CFAP53: variants seen among roughly 807,000 people sequenced by gnomAD.
CFAP53 encodes the protein cilia and flagella associated protein 53.
A neutral mutation model predicts 59.7 loss-of-function variants in CFAP53; 62 were observed. The ratio of observed to expected loss-of-function variants is 1.04; its 90% confidence interval spans 0.85 to 1.28. CFAP53 has a LOEUF of 1.28. Ranked by LOEUF, CFAP53 falls within the 50% of genes most tolerant of loss-of-function variation. CFAP53 has a pLI of 0.00. For missense variants in CFAP53, 629 were observed against 615.6 expected (o/e 1.02, Z -0.23); for synonymous variants, 218 against 205.7 (o/e 1.06, Z -0.51).
At chr18:50,257,860 T>C (rs1049182365) in intron 3 of CFAP53, among the ~76,000 whole-genome samples, 2 of 152,128 alleles carry the variant, frequency 1.3e-5, no homozygotes, top group Admixed American at 1.3e-4. Flanking sequence ...GGAAACCCCG[T>C]CTCTATTAAA....
At chr18:50,259,729 G>A (rs763871419) in intron 3 of CFAP53, among the ~76,000 whole-genome samples, 10 of 151,972 alleles carry the variant, frequency 6.6e-5, no homozygotes, top group South Asian at 2.1e-4. Context: ...CACTGCGCCC[G>A]GCCAATTTTT....
At chr18:50,241,100 G>A (rs1418817957) in intron 6 of CFAP53, among the ~76,000 whole-genome samples, 1 of 152,220 alleles carries the variant, frequency 6.6e-6, no homozygotes, top group African/African-American at 2.4e-5. Flanking sequence ...TTAGCAGTAT[G>A]ATGCAGCCTA....
chr18:50,227,700 T>C, intron 7 of CFAP53, 91 bp from the exon 8 acceptor site: 1 of 1,001,942 alleles, frequency 1.0e-6, no homozygotes, highest in Admixed American at 2.2e-5. Context: ...ATTTGTAAAG[T>C]CAAATTAAAT....
Position 50,227,479 on chromosome 18 carries a change from A to G in CFAP53, c.1447T>C (p.Cys483Arg), listed in dbSNP as rs761393548. 5.0e-6 allele frequency: 8 copies of G among 1,614,180 alleles called. No homozygotes were observed. The South Asian group carries it at 8.8e-5, about 18-fold the overall frequency. ...AGGACCTCCTGGACCTTGTCCAAAC[A>G]CATCTTGTTTGCTGCTACACCTGCT... ...FEAGVAANKMCLDKVQEVLST... is the reference protein window; with the variant it reads ...FEAGVAANKMRLDKVQEVLST... Residue 483 changes from cysteine to arginine, a missense_variant, in exon 8 of 8, where the codon TGT (cysteine) becomes CGT (arginine). Transcript: ENST00000398545.
At chr18:50,237,718 G>GGGA (rs1274521611) in intron 7 of CFAP53, among the ~76,000 whole-genome samples, 1 of 152,052 alleles carries the variant, frequency 6.6e-6, no homozygotes, top group African/African-American at 2.4e-5. Flanking sequence ...AAAAACTGCA[G>GGGA]GGAGGTAGCT....
rs2144457630 is a variant in CFAP53 at position 50,266,483 on chromosome 18, G to A, written c.-79C>T. On this transcript the variant is annotated 5_prime_UTR_variant, in exon 1 of 8. Transcript: ENST00000398545. The stretch of plus-strand genomic sequence containing the variant: ...GGCGACCTGCGGGACCCGCTTCCGC[G>A]ACGCAGAAGTCTGGTTGCCATGGTG... The A allele has an allele frequency of 7.1e-7, 1 of 1,413,362 alleles. No homozygotes were observed. 87.6% of individuals were successfully genotyped at this position (1,413,362 alleles called of 1,614,324 possible).
intron 7 of CFAP53, among the ~76,000 whole-genome samples, chr18:50,230,047 C>T (rs1299216358): frequency 6.6e-6 from 1 of 152,144 alleles, no homozygotes; most frequent in Non-Finnish European, 1.5e-5. Flanking sequence ...CATGACCCAC[C>T]ATGCCTGGCC....
rs200652781 is a variant in CFAP53 at position 50,238,648 on chromosome 18, T to C, written c.1271A>G (p.Glu424Gly). 58 of 1,612,428 alleles carry C rather than the reference T, an allele frequency of 3.6e-5. No individual in the cohort carries two copies. Among genetic ancestry groups the C allele is most frequent in the Non-Finnish European group, 4.8e-5 (57 of 1,179,364 alleles). Residue 424 changes from glutamate to glycine, a missense_variant, in exon 7 of 8, where the codon GAA becomes GGA. Coordinates refer to ENST00000398545, the MANE Select transcript of CFAP53 (RefSeq NM_145020.5). ...TTCACAGTTAAGTTCTTTAAGACTTTCATTTATGTGTTTCTGTTCCATAGC... is the reference window on the plus strand; with the variant it reads ...TTCACAGTTAAGTTCTTTAAGACTTCCATTTATGTGTTTCTGTTCCATAGC... ...ERAMEQKHIN[E>G]SLKELNCEEK...
intron 6 of CFAP53, among the ~76,000 whole-genome samples, chr18:50,239,942 T>G (rs1038162823): frequency 6.6e-6 from 1 of 152,270 alleles, no homozygotes; most frequent in Non-Finnish European, 1.5e-5. Context: ...CTATAACATT[T>G]ATCACTTGTT....
chr18:50,262,212 T>C lies in CFAP53; in HGVS notation c.77A>G (p.Lys26Arg), dbSNP rs766219433. Reference protein sequence around the residue: ...PTPKVVIVRSKPPKGQGAEHH... With the variant: ...PTPKVVIVRSRPPKGQGAEHH... ...CTCAGCTCCTTGGCCTTTAGGAGGC[T>C]TGGATCTCTGAAAACAAAAACCAAC... Residue 26 changes from lysine (K) to arginine (R), a missense_variant, in exon 2 of 8, where the codon AAG becomes AGG. Lys to Arg is a conservative substitution (Grantham distance 26). Coordinates refer to ENST00000398545, the MANE Select transcript of CFAP53 (RefSeq NM_145020.5). 1.2e-6 allele frequency: 2 copies of C among 1,612,254 alleles called. No homozygotes were observed. The highest frequency in any genetic ancestry group is 1.7e-6 in the Non-Finnish European group (2 of 1,178,410).
chr18:50,261,952 A>C lies in CFAP53; in HGVS notation c.299+38T>G, dbSNP rs185313882. ...TCAATCTCAAATTGTGGTTTTAGGA[A>C]TATTTCATGGTTTATGTCCCAGGTT... On this transcript the variant is annotated intron_variant, in intron 2 of 7. Transcript: ENST00000398545. 4,354 of 1,522,856 alleles carry C rather than the reference A, an allele frequency of 2.9e-3. 11 individuals are homozygous for C. The highest frequency in any genetic ancestry group is 3.8e-3 in the Non-Finnish European group (4,154 of 1,099,430). The allele number at this position is 1,522,856 out of a possible 1,614,324, so 94.3% of individuals were successfully genotyped here.
intron 5 of CFAP53, 125 bp downstream of exon 5, chr18:50,250,633 T>C (rs763214230): frequency 9.8e-6 from 7 of 714,636 alleles, no homozygotes; most frequent in Non-Finnish European, 1.7e-5. Context: ...ATGGTGCTGA[T>C]GCTGTTGGCT....
chr18:50,254,233 TAA>T (rs761732766), intron 3 of CFAP53, among the ~76,000 whole-genome samples: 7 of 118,412 alleles, frequency 5.9e-5, no homozygotes, highest in Non-Finnish European at 7.3e-5. Flanking sequence ...ACTTAACAGC[TAA>T]AAAAAAAAAA....
Position 50,261,251 on chromosome 18 carries a change from CCAAAAA to C in CFAP53, c.300-20_300-15del. 9.0e-7 allele frequency: 1 copy of C among 1,110,784 alleles called. No individual in the cohort carries two copies. The highest frequency in any genetic ancestry group is 7.9e-5 in the Admixed American group (1 of 12,590). 68.8% of individuals were successfully genotyped at this position (1,110,784 alleles called of 1,614,324 possible). A position where few individuals can be genotyped will look rare whatever the true frequency, so the allele number is the denominator to read the frequency against. On this transcript the variant is annotated splice_polypyrimidine_tract_variant and intron_variant, in intron 2 of 7. Coordinates refer to ENST00000398545, the MANE Select transcript of CFAP53 (RefSeq NM_145020.5). The stretch of plus-strand genomic sequence containing the variant: ...AGCTCACGTAGCCTGAAACAAAAAG[CCAAAAA>C]AAAAAAAAAAAAAAGAAAACTGTCA...
Position 50,253,178 on chromosome 18 carries a change from G to A in CFAP53, c.474-1394C>T, listed in dbSNP as rs139730004. ...ACCACAGGCGCCCACCACCACGCCT[G>A]GAGAATTTTTTGTATTTTTAGTGGA... On this transcript the variant is annotated intron_variant, in intron 3 of 7. Transcript: ENST00000398545. Among the ~76,000 whole-genome samples, 369 of 152,220 alleles carry A rather than the reference G, an allele frequency of 2.4e-3. 9 individuals carry two copies. The East Asian group carries it at 0.065, about 27-fold the overall frequency.
chr18:50,261,092 CA>C lies in CFAP53; in HGVS notation c.444del (p.Phe148LeufsTer6). On this transcript the variant is annotated frameshift_variant, in exon 3 of 8. Coordinates refer to ENST00000398545, the MANE Select transcript of CFAP53 (RefSeq NM_145020.5). LOFTEE classifies it high-confidence loss of function. Reference sequence around the variant, plus strand: ...AATTGCTGGTCTAGCTTTTCAGCCACAAAATCCTGCCTCTCTTTTTCATTCT... The same window carrying C: ...AATTGCTGGTCTAGCTTTTCAGCCACAAATCCTGCCTCTCTTTTTCATTCT... Reference protein sequence around the residue: ...KEKNEKERQDFVAEKLDQQFR... With the variant: ...KEKNEKERQDXVAEKLDQQFR... 6.3e-7 allele frequency: 1 copy of C among 1,599,190 alleles called. No individual in the cohort carries two copies. Among genetic ancestry groups the C allele is most frequent in the Non-Finnish European group, 8.5e-7 (1 of 1,176,500 alleles).
chr18:50,262,068 AT>A lies in CFAP53; in HGVS notation c.220del (p.Ile74PhefsTer32). On this transcript the variant is annotated frameshift_variant, in exon 2 of 8. Coordinates refer to ENST00000398545, the MANE Select transcript of CFAP53 (RefSeq NM_145020.5). LOFTEE classifies it high-confidence loss of function. ...TCTTGCTCGCACAAGGCTGTCCAAA[AT>A]CTTGCAGTCATTGTGCTGGTCCCAC... ...AEWDQHNDCK[I>X]LDSLVRARIK... 1 of 1,614,222 alleles carries A rather than the reference AT, an allele frequency of 6.2e-7. No individual in the cohort carries two copies. Among genetic ancestry groups the A allele is most frequent in the Non-Finnish European group, 8.5e-7 (1 of 1,180,038 alleles).
At chr18:50,261,027 C>T (rs775642066) in intron 3 of CFAP53, 37 bp downstream of exon 3, 38 of 1,576,612 alleles carry the variant, frequency 2.4e-5, no homozygotes, top group Non-Finnish European at 3.2e-5. Context: ...AATGTACCAA[C>T]TTTGGATTCT....
At chr18:50,252,393 C>T (rs959269250) in intron 3 of CFAP53, among the ~76,000 whole-genome samples, 8 of 151,732 alleles carry the variant, frequency 5.3e-5, no homozygotes, top group African/African-American at 1.5e-4. Flanking sequence ...CGTGAGCCAC[C>T]GTACCCAGCT....
Sources: allele counts gnomAD v4.1 joint callset (sites outside exome capture counted in the v4.1 genomes callset), GRCh38; gene constraint gnomAD v4.1.1; transcripts MANE v1.5; gene names NCBI Gene and HGNC (gene_info 2026-07-23, HGNC 2026-07-21).